Variants in TMEM161A observed in about 807,000 individuals in gnomAD.
The protein encoded by TMEM161A is adaptive response to oxidative stress protein 29.
TMEM161A carries 46 observed loss-of-function variants against 57.1 expected under a neutral mutation model. The observed-to-expected ratio is 0.81, with a 90% CI of 0.64 to 1.03. TMEM161A has a LOEUF of 1.03. Ranked by LOEUF, TMEM161A falls within the 50% of genes least tolerant of loss-of-function variation. The pLI, the probability that TMEM161A is intolerant of heterozygous loss-of-function variation, is 0.00. For synonymous variants in TMEM161A, 288 were observed against 279.0 expected, an observed-to-expected ratio of 1.03 and a Z score of -0.32; for missense variants, 601 against 621.5, an observed-to-expected ratio of 0.97 and a Z score of 0.35.
chr19:19,133,917 G>A (rs2059971838), intron 2 of TMEM161A, among the ~76,000 whole-genome samples: 1 of 152,100 alleles, frequency 6.6e-6, no homozygotes, highest in Non-Finnish European at 1.5e-5. Context: ...TCACAGGCGT[G>A]AGCCACCATA....
At chr19:19,133,728 T>A (rs548938037) in intron 2 of TMEM161A, among the ~76,000 whole-genome samples, 1 of 152,178 alleles carries the variant, frequency 6.6e-6, no homozygotes, top group Non-Finnish European at 1.5e-5. Flanking sequence ...CGCCCCGGCC[T>A]CCCAAAGGGC....
In TMEM161A at chr19:19,121,552, G is replaced by A. The variant is rs762770237; in HGVS notation, c.773C>T (p.Thr258Ile). Reference protein sequence around the residue: ...RLAQTHRDALTMSEDRPMLQF... With the variant: ...RLAQTHRDALIMSEDRPMLQF... ...CAGCATGGGTCTGTCCTCCGACATG[G>A]TCAGTGCGTCCCGGTGGGTCTGGGC... is the stretch of plus-strand genomic sequence containing the variant. The change falls in exon 8 of 12, where the codon ACC becomes ATC. Residue 258 changes from threonine (T) to isoleucine (I), a missense_variant. By Grantham distance (89) the Thr-to-Ile change is moderately conservative (BLOSUM62 -1). Transcript: ENST00000162044. This position sits in a 1 kb window ranked among gnomAD's most constrained non-coding sequence, Gnocchi z 5.8. The A allele has an allele frequency of 1.2e-6, 2 of 1,614,000 alleles. No individual in the cohort carries two copies. The highest frequency in any genetic ancestry group is 1.7e-6 in the Non-Finnish European group (2 of 1,179,972).
rs148607161 is a variant in TMEM161A, at chr19:19,133,664, G to T, written c.108-454C>A. ...TTTTTGTATTTTTACCAGAGACAGG[G>T]TTTCACTATGTTGGCCAGGCTGGTC... On this transcript the variant is annotated intron_variant, in intron 2 of 11. Transcript: ENST00000162044. Among the ~76,000 whole-genome samples, 5 of 152,176 alleles carry T rather than the reference G, an allele frequency of 3.3e-5. No homozygotes were observed. The South Asian group carries it at 1.0e-3, about 32-fold the overall frequency.
At chr19:19,127,533 A>T (rs1193807061) in intron 6 of TMEM161A, among the ~76,000 whole-genome samples, 1 of 152,066 alleles carries the variant, frequency 6.6e-6, no homozygotes, top group Admixed American at 6.5e-5. Context: ...CATGTTAGCC[A>T]GGATGGTCTC....
chr19:19,134,870 C>T lies in TMEM161A; in HGVS notation c.21G>A (p.Gln7=). The T allele has an allele frequency of 5.0e-6, 8 of 1,594,196 alleles. No homozygotes were observed. Among genetic ancestry groups the T allele is most frequent in the Non-Finnish European group, 6.8e-6 (8 of 1,171,006 alleles). The change falls in exon 2 of 12, where the codon CAG becomes CAA. Residue 7 remains glutamine, a synonymous_variant. Transcript: ENST00000162044. The part of the protein sequence containing the change: MAVLGV[Q]LVVTLLTATL... The stretch of plus-strand genomic sequence containing the variant: ...TGGCAGTGAGCAGGGTCACCACCAG[C>T]TGTACTCCGAGGACCGCCTGGGGGG...
At chr19:19,127,477 A>G (rs959098084) in intron 6 of TMEM161A, among the ~76,000 whole-genome samples, 5 of 151,008 alleles carry the variant, frequency 3.3e-5, no homozygotes, top group Admixed American at 1.3e-4. Flanking sequence ...CCGCCACCAC[A>G]CCCGGCTAAT....
chr19:19,130,901 C>A (rs571398165), intron 5 of TMEM161A, among the ~76,000 whole-genome samples: 16 of 151,758 alleles, frequency 1.1e-4, no homozygotes, highest in African/African-American at 3.9e-4. Context: ...CCAGCCTGCA[C>A]GACAGAGGGA....
At position 19,133,165 on chromosome 19, in the gene TMEM161A, C is replaced by T. The variant is rs1450547596; in HGVS notation, c.153G>A (p.Leu51=). 5.6e-6 allele frequency: 9 copies of T among 1,614,066 alleles called. No homozygotes were observed. Among genetic ancestry groups the T allele is most frequent in the Non-Finnish European group, 7.6e-6 (9 of 1,180,020 alleles). ...KHPSEEELRA[L]AGKPRPRGRK... ...TGCCTCTGGGCCTCGGCTTCCCCGC[C>T]AGGGCCCGAAGCTCCTCCTCAGACG... The change falls in exon 3 of 12, where the codon CTG becomes CTA. Residue 51 remains leucine, a synonymous_variant. Transcript: ENST00000162044.
At position 19,132,073 on chromosome 19, in the gene TMEM161A, G is replaced by A. The variant is rs2059961853; in HGVS notation, c.443+279C>T. 6.6e-6 allele frequency among the ~76,000 whole-genome samples: 1 copy of A among 152,188 alleles called. No individual in the cohort carries two copies. The highest frequency in any genetic ancestry group is 1.5e-5 in the Non-Finnish European group (1 of 68,048). On this transcript the variant is annotated intron_variant, in intron 5 of 11. Coordinates refer to ENST00000162044, the MANE Select transcript of TMEM161A (RefSeq NM_017814.3). This position sits in a 1 kb window ranked among gnomAD's most constrained non-coding sequence, Gnocchi z 4.3. ...ATGTGGTAGAAAGAATAGGGATGGG[G>A]TGGGTGACTTTGGGCAAGGCATTCC...
rs1372622736 is a variant in TMEM161A at position 19,130,250 on chromosome 19, G to A, written c.501C>T (p.Arg167=). ...LYFSAEEGGE[R]SVCLTFAFLF... is the part of the protein sequence containing the mutation. The stretch of plus-strand genomic sequence containing the variant: ...GGAAGGCAAAGGTGAGGCAGACAGA[G>A]CGCTCACCCCCCTCCTCGGCGCTGA... The change falls in exon 6 of 12, where the codon CGC becomes CGT. Residue 167 remains arginine, a synonymous_variant. Coordinates refer to ENST00000162044, the MANE Select transcript of TMEM161A (RefSeq NM_017814.3). 2 of 1,613,850 alleles carry A rather than the reference G, an allele frequency of 1.2e-6. No homozygotes were observed. The highest frequency in any genetic ancestry group is 1.7e-6 in the Non-Finnish European group (2 of 1,180,032).
intron 6 of TMEM161A, among the ~76,000 whole-genome samples, chr19:19,129,598 A>G (rs1229610570): frequency 6.6e-6 from 1 of 151,838 alleles, no homozygotes; most frequent in Non-Finnish European, 1.5e-5. Context: ...TAAATAAATA[A>G]ATAATTTTTT....
intron 6 of TMEM161A, among the ~76,000 whole-genome samples, chr19:19,122,122 C>A (rs1055466131): frequency 6.6e-6 from 1 of 152,072 alleles, no homozygotes; most frequent in South Asian, 2.1e-4. Flanking sequence ...GTGAAACCCC[C>A]GTCTCTACTA....
rs566403497 is a variant in TMEM161A, at chr19:19,132,570, T to C, written c.287-62A>G. The C allele has an allele frequency of 1.7e-4, 269 of 1,580,752 alleles. 1 individual carries two copies. The Middle Eastern group carries it at 5.6e-3, about 33-fold the overall frequency. The stretch of plus-strand genomic sequence containing the variant: ...TCGCTCCCCTCCTAATAGAACATTC[T>C]TCCTTCAAATCCTCCCCACCCCCAT... On this transcript the variant is annotated intron_variant, in intron 4 of 11. Transcript: ENST00000162044. The surrounding 1 kb of genome is among the most constrained non-coding windows in gnomAD (Gnocchi z 4.3).
chr19:19,121,562 C>T lies in TMEM161A; in HGVS notation c.763G>A (p.Asp255Asn), dbSNP rs368827076. The T allele has an allele frequency of 1.1e-4, 185 of 1,613,818 alleles. No homozygotes were observed. The highest frequency in any genetic ancestry group is 4.9e-4 in the Middle Eastern group (3 of 6,084). Reference protein sequence around the residue: ...PGLRLAQTHRDALTMSEDRPM... With the variant: ...PGLRLAQTHRNALTMSEDRPM... ...CTGTCCTCCGACATGGTCAGTGCGT[C>T]CCGGTGGGTCTGGGCCAGCCGCAGG... The change falls in exon 8 of 12, where the codon GAC becomes AAC. Residue 255 changes from aspartate (D) to asparagine (N), a missense_variant. Physicochemically the swap from Asp to Asn is conservative, Grantham distance 23 (BLOSUM62 1). Coordinates refer to ENST00000162044, the MANE Select transcript of TMEM161A (RefSeq NM_017814.3). The surrounding 1 kb of genome is among the most constrained non-coding windows in gnomAD (Gnocchi z 5.8).
At position 19,134,807 on chromosome 19, in the gene TMEM161A, C is replaced by T. The variant is rs2059977166; in HGVS notation, c.84G>A (p.Ala28=). 1.9e-6 allele frequency: 3 copies of T among 1,586,822 alleles called. No homozygotes were observed. Among genetic ancestry groups the T allele is most frequent in the Non-Finnish European group, 2.6e-6 (3 of 1,168,218 alleles). ...MHRLAPHCSF[A]RWLLCNGSLF... is the part of the protein sequence containing the mutation. ...ACCTGCCGTTACAGAGCAGCCAGCG[C>T]GCGAAGGAGCAGTGTGGCGCCAGCC... Residue 28 remains alanine (A), a synonymous_variant, in exon 2 of 12, where the codon GCG becomes GCA. Coordinates refer to ENST00000162044, the MANE Select transcript of TMEM161A (RefSeq NM_017814.3).
intron 1 of TMEM161A, among the ~76,000 whole-genome samples, chr19:19,137,436 C>T (rs1048729725): frequency 6.6e-6 from 1 of 152,222 alleles, no homozygotes; most frequent in African/African-American, 2.4e-5. Context: ...TGCCCTCCAC[C>T]CAGCCTCCTG....
At position 19,132,787 on chromosome 19, in the gene TMEM161A, G is replaced by A. The variant is rs2059965233; in HGVS notation, c.189-33C>T. ...GATGGTGACAAGCAAGAGGGACGGT[G>A]AGCACGCATTCCACTGAGGCCAGCC... is the stretch of plus-strand genomic sequence containing the variant. On this transcript the variant is annotated intron_variant, in intron 3 of 11. Coordinates refer to ENST00000162044, the MANE Select transcript of TMEM161A (RefSeq NM_017814.3). The surrounding 1 kb of genome is among the most constrained non-coding windows in gnomAD (Gnocchi z 4.3). 4 of 1,496,032 alleles carry A rather than the reference G, an allele frequency of 2.7e-6. No homozygotes were observed. Among genetic ancestry groups the A allele is most frequent in the Non-Finnish European group, 3.6e-6 (4 of 1,113,524 alleles). The allele number at this position is 1,496,032 out of a possible 1,614,324, so 92.7% of individuals were successfully genotyped here. A position where few individuals can be genotyped will look rare whatever the true frequency, so the allele number is the denominator to read the frequency against.
chr19:19,120,096 T>C lies in TMEM161A; in HGVS notation c.1274A>G (p.Asp425Gly), dbSNP rs2059900693. 5.1e-6 allele frequency: 8 copies of C among 1,580,480 alleles called. No homozygotes were observed. In the East Asian group the frequency reaches 1.8e-4, roughly 36 times the overall value. Reference sequence around the variant, plus strand: ...CCGCGCTGCAGTCTGCTGGACTTCGTCCTCCCCAGAGCCGATGGGGGCAGC... The same window carrying C: ...CCGCGCTGCAGTCTGCTGGACTTCGCCCTCCCCAGAGCCGATGGGGGCAGC... ...ASAAPIGSGE[D>G]EVQQTAARIA... The change falls in exon 12 of 12, where the codon GAC (aspartate) becomes GGC (glycine). Residue 425 changes from aspartate to glycine, a missense_variant. Asp to Gly is a moderately conservative substitution (Grantham distance 94). Transcript: ENST00000162044.
rs748560756 is a variant in TMEM161A at position 19,120,190 on chromosome 19, G to T, written c.1187-7C>A. On this transcript the variant is annotated splice_polypyrimidine_tract_variant and splice_region_variant and intron_variant, in intron 11 of 11. Coordinates refer to ENST00000162044, the MANE Select transcript of TMEM161A (RefSeq NM_017814.3). ...AGGCCCCAGGAATAGCCTCCTAGGAGAAGAGGATGAAGCGAGGTATGAGTG... is the reference window on the plus strand; with the variant it reads ...AGGCCCCAGGAATAGCCTCCTAGGATAAGAGGATGAAGCGAGGTATGAGTG... The T allele has an allele frequency of 4.5e-5, 70 of 1,538,718 alleles. No individual in the cohort carries two copies. Among genetic ancestry groups the T allele is most frequent in the Non-Finnish European group, 6.1e-5 (69 of 1,139,326 alleles).
Sources: allele counts gnomAD v4.1 joint callset (sites outside exome capture counted in the v4.1 genomes callset), GRCh38; gene constraint gnomAD v4.1.1; non-coding constraint Gnocchi (gnomAD v3.1); transcripts MANE v1.5; gene names NCBI Gene and HGNC (gene_info 2026-07-23, HGNC 2026-07-21).